Variants in UBE2K observed in about 807,000 individuals in gnomAD.
UBE2K encodes ubiquitin conjugating enzyme E2 K, also known as ubiquitin-conjugating enzyme E2 K.
In UBE2K, 6 loss-of-function variants were observed where a neutral mutation model predicts 30.0. That is an observed-to-expected ratio of 0.20 (90% CI 0.11 to 0.39). The LOEUF (loss-of-function observed/expected upper bound fraction) is 0.39, where lower values mean the gene tolerates loss of function less well. UBE2K is among the 10% of genes least tolerant of loss of function. UBE2K has a pLI of 1.00. For synonymous variants in UBE2K, 86 were observed against 83.7 expected (o/e 1.03, Z -0.15); for missense variants, 61 against 241.6 (o/e 0.25, Z 4.96).
At chr4:39,724,322 C>T (rs1196561853) in intron 1 of UBE2K, among the ~76,000 whole-genome samples, 1 of 151,856 alleles carries the variant, frequency 6.6e-6, no homozygotes, top group Non-Finnish European at 1.5e-5. Context: ...GTTGACTAGG[C>T]TAGTCTCAAA....
chr4:39,717,298 A>G lies in UBE2K; in HGVS notation c.63+18908A>G, dbSNP rs1446647828. 6.0e-5 allele frequency among the ~76,000 whole-genome samples: 9 copies of G among 149,966 alleles called. No homozygotes were observed. The East Asian group carries it at 1.6e-3, about 27-fold the overall frequency. ...GCCCAGGCTGGAGTGCAGTGGCACA[A>G]TCTTGGCTCATTGCAACCTCCATCT... On this transcript the variant is annotated intron_variant, in intron 1 of 6. Transcript: ENST00000261427.
At chr4:39,721,606 C>A (rs1167736600) in intron 1 of UBE2K, among the ~76,000 whole-genome samples, 1 of 152,108 alleles carries the variant, frequency 6.6e-6, no homozygotes, top group African/African-American at 2.4e-5. Context: ...ATCTACCTGC[C>A]TCGGCCTCCC....
At chr4:39,725,890 A>T (rs1248207897) in intron 1 of UBE2K, among the ~76,000 whole-genome samples, 6 of 151,424 alleles carry the variant, frequency 4.0e-5, no homozygotes, top group Admixed American at 1.3e-4. Context: ...CAGTCTGTCC[A>T]CCTTGGCCTT....
chr4:39,762,392 G>A (rs1056187899), intron 4 of UBE2K, among the ~76,000 whole-genome samples: 13 of 151,828 alleles, frequency 8.6e-5, no homozygotes, highest in African/African-American at 3.1e-4. Context: ...AAATAGGTGT[G>A]GTAGGCTGTT....
chr4:39,760,083 A>G (rs1268376449), intron 4 of UBE2K, among the ~76,000 whole-genome samples: 2 of 145,396 alleles, frequency 1.4e-5, no homozygotes, highest in African/African-American at 5.1e-5. Flanking sequence ...GGGCTGAGAC[A>G]GGAGAATCTC....
At chr4:39,771,095 C>A in intron 4 of UBE2K, 1 of 1,612,666 alleles carries the variant, frequency 6.2e-7, no homozygotes, top group South Asian at 1.1e-5. Context: ...TTCTCCACCA[C>A]GTGCTCCATC....
chr4:39,752,318 TTTTTTTCTTTTTTTTTC>T (rs1294283043), intron 3 of UBE2K, among the ~76,000 whole-genome samples: 51 of 112,594 alleles, frequency 4.5e-4, no homozygotes, highest in African/African-American at 1.5e-3. Flanking sequence ...CTAATTTTTT[TTTTTTTCTTTTTTTTTC>T]TTTTTTTTTT....
chr4:39,711,937 A>G (rs563325955), intron 1 of UBE2K, among the ~76,000 whole-genome samples: 3 of 151,762 alleles, frequency 2.0e-5, no homozygotes, highest in Admixed American at 6.6e-5. Context: ...GCTACTTGGG[A>G]GGCTGAGGTG....
intron 4 of UBE2K, among the ~76,000 whole-genome samples, chr4:39,773,172 A>T (rs1024166406): frequency 2.6e-5 from 4 of 152,038 alleles, no homozygotes; most frequent in African/African-American, 9.7e-5. Context: ...ATGATTTCAT[A>T]TTTTCTTGAA....
rs74660475 is a variant in UBE2K, at chr4:39,708,441, T to C, written c.63+10051T>C. ...AAAGTAAAATGTGTACGTAATAAAGTGTGACTGGCATCCAAATCAAGAAAC... is the reference window on the plus strand; with the variant it reads ...AAAGTAAAATGTGTACGTAATAAAGCGTGACTGGCATCCAAATCAAGAAAC... On this transcript the variant is annotated intron_variant, in intron 1 of 6. Transcript: ENST00000261427. 7.6e-4 allele frequency among the ~76,000 whole-genome samples: 116 copies of C among 152,136 alleles called. 2 individuals are homozygous for C. The highest frequency in any genetic ancestry group is 1.4e-3 in the Non-Finnish European group (97 of 67,942).
rs1024005468 is a variant in UBE2K, at chr4:39,725,668, A to G, written c.64-11752A>G. On this transcript the variant is annotated intron_variant, in intron 1 of 6. Coordinates refer to ENST00000261427, the MANE Select transcript of UBE2K (RefSeq NM_005339.5). The stretch of plus-strand genomic sequence containing the variant: ...ACTTTGGAATTACTTCAGAATGGCT[A>G]CTTTCCCCCTTCCCCCTGCCAGAAG... Among the ~76,000 whole-genome samples the G allele has an allele frequency of 2.6e-5, 4 of 152,138 alleles. No individual in the cohort carries two copies. In the East Asian group the frequency reaches 5.8e-4, roughly 22 times the overall value.
Position 39,698,288 on chromosome 4 carries a change from T to C in UBE2K, c.-40T>C. On this transcript the variant is annotated 5_prime_UTR_variant, in exon 1 of 7. Transcript: ENST00000261427. ...GCGGCGGTGGCGGTGGTCGTAGCGG[T>C]GGCGGAGGAGGCGGGTACGAATCAG... 6.3e-7 allele frequency: 1 copy of C among 1,594,576 alleles called. No individual in the cohort carries two copies. Among genetic ancestry groups the C allele is most frequent in the Non-Finnish European group, 8.5e-7 (1 of 1,169,654 alleles).
chr4:39,739,253 G>T (rs867575654), intron 2 of UBE2K, among the ~76,000 whole-genome samples: 9 of 150,668 alleles, frequency 6.0e-5, no homozygotes, highest in African/African-American at 2.2e-4. Flanking sequence ...GAATGGTCTC[G>T]ATCTCCTGAC....
chr4:39,770,612 G>T, intron 4 of UBE2K: 1 of 1,592,976 alleles, frequency 6.3e-7, no homozygotes. Flanking sequence ...TCAACAGCAG[G>T]CTCTCCCCTT....
chr4:39,737,536 A>C, intron 2 of UBE2K, 23 bp downstream of exon 2: 1 of 1,434,044 alleles, frequency 7.0e-7, no homozygotes. Context: ...TTCTGTATCA[A>C]AATATTGTGC....
intron 4 of UBE2K, among the ~76,000 whole-genome samples, chr4:39,762,669 C>T (rs1489605722): frequency 6.6e-6 from 1 of 152,234 alleles, no homozygotes; most frequent in Non-Finnish European, 1.5e-5. Flanking sequence ...CAGTCTCACA[C>T]TGTTGAGCAG....
chr4:39,743,423 G>A (rs1720810933), intron 2 of UBE2K, among the ~76,000 whole-genome samples: 2 of 152,088 alleles, frequency 1.3e-5, no homozygotes, highest in Non-Finnish European at 2.9e-5. Context: ...CTAACACGGT[G>A]AAACCCTGTC....
chr4:39,753,803 G>A (rs1244995600), intron 3 of UBE2K, among the ~76,000 whole-genome samples: 1 of 152,146 alleles, frequency 6.6e-6, no homozygotes, highest in African/African-American at 2.4e-5. Context: ...TGAGATTTCA[G>A]GAGTAGTCTA....
intron 4 of UBE2K, among the ~76,000 whole-genome samples, chr4:39,773,802 T>G (rs1445011644): frequency 6.6e-6 from 1 of 151,942 alleles, no homozygotes; most frequent in Non-Finnish European, 1.5e-5. Context: ...GCGCCTGTTG[T>G]CCCAGCTACT....
Sources: gnomAD v4.1 joint callset for allele counts (sites outside exome capture counted in the v4.1 genomes callset) on GRCh38, gnomAD v4.1.1 for gene constraint, MANE v1.5 for transcripts, NCBI Gene and HGNC (gene_info 2026-07-23, HGNC 2026-07-21) for gene names.